Variants in CACNA1B observed in about 807,000 individuals in gnomAD.
The protein encoded by CACNA1B is calcium voltage-gated channel subunit alpha1 B, also known as voltage-dependent N-type calcium channel subunit alpha-1B.
In CACNA1B, 70 loss-of-function variants were observed where a neutral mutation model predicts 247.2. The ratio of observed to expected loss-of-function variants is 0.28; its 90% confidence interval spans 0.23 to 0.35. CACNA1B has a LOEUF of 0.35. CACNA1B is among the 10% of genes least tolerant of loss of function. The probability of loss-of-function intolerance (pLI) is 1.00; values close to 1 mark genes in which losing one functional copy is unlikely to be tolerated. For missense variants in CACNA1B, 2,367 were observed against 3,197.4 expected, an observed-to-expected ratio of 0.74 and a Z score of 6.26; for synonymous variants, 1,231 against 1,294.4, an observed-to-expected ratio of 0.95 and a Z score of 1.05.
At position 137,891,791 on chromosome 9, in the gene CACNA1B, C is replaced by T. The variant is rs1316222369; in HGVS notation, c.530+8908C>T. Reference sequence around the variant, plus strand: ...CACCCTGCGTGCCTGTGTGCAGCCCCACACGTGCTGAAGCATCTCTACTCC... The same window carrying T: ...CACCCTGCGTGCCTGTGTGCAGCCCTACACGTGCTGAAGCATCTCTACTCC... On this transcript the variant is annotated intron_variant, in intron 3 of 46. Transcript: ENST00000371372. This position sits in a 1 kb window ranked among gnomAD's most constrained non-coding sequence, Gnocchi z 4.3. 1 of 349,526 alleles carries T rather than the reference C, an allele frequency of 2.9e-6. No homozygotes were observed. Among genetic ancestry groups the T allele is most frequent in the Non-Finnish European group, 5.7e-6 (1 of 176,208 alleles). The allele number at this position is 349,526 out of a possible 1,614,324, so 21.7% of individuals were successfully genotyped here. A position where few individuals can be genotyped will look rare whatever the true frequency, so the allele number is the denominator to read the frequency against.
intron 15 of CACNA1B, among the ~76,000 whole-genome samples, chr9:137,999,243 AAAAT>A (rs1301834565): frequency 3.0e-5 from 4 of 133,594 alleles, no homozygotes; most frequent in East Asian, 3.3e-4. Context: ...AAAAAAATAA[AAAAT>A]AAAAAATGAA....
At chr9:137,908,894 G>T (rs1957328429) in intron 3 of CACNA1B, among the ~76,000 whole-genome samples, 1 of 151,936 alleles carries the variant, frequency 6.6e-6, no homozygotes, top group South Asian at 2.1e-4. Flanking sequence ...GCCTCCCAAA[G>T]TGCTGGGATT....
At chr9:137,960,094 G>A (rs1255826727) in intron 10 of CACNA1B, among the ~76,000 whole-genome samples, 1 of 148,814 alleles carries the variant, frequency 6.7e-6, no homozygotes, top group Non-Finnish European at 1.5e-5. Context: ...GAAGCCAGGG[G>A]AGGGGAGGTC....
At position 138,022,999 on chromosome 9, in the gene CACNA1B, G is replaced by T. The variant is rs747248069; in HGVS notation, c.2268-12G>T. The T allele has an allele frequency of 2.0e-6, 3 of 1,486,048 alleles. No individual in the cohort carries two copies. Among genetic ancestry groups the T allele is most frequent in the Non-Finnish European group, 2.7e-6 (3 of 1,125,642 alleles). 92.1% of individuals were successfully genotyped at this position (1,486,048 alleles called of 1,614,324 possible). A position where few individuals can be genotyped will look rare whatever the true frequency, so the allele number is the denominator to read the frequency against. On this transcript the variant is annotated splice_polypyrimidine_tract_variant and intron_variant, in intron 18 of 46. Transcript: ENST00000371372. ...GCAGACGGGGCCGCGCTCACCGCCA[G>T]TCTCCCCGCAGCAGGCAGCAGAACT... is the stretch of plus-strand genomic sequence containing the variant.
intron 31 of CACNA1B, among the ~76,000 whole-genome samples, chr9:138,065,684 TG>T (rs1959890079): frequency 6.6e-6 from 1 of 152,168 alleles, no homozygotes; most frequent in Non-Finnish European, 1.5e-5. Context: ...AGACCACATT[TG>T]GGTTATGCTT....
intron 39 of CACNA1B, 39 bp from the exon 40 acceptor site, chr9:138,112,357 ATC>A (rs749763772): frequency 1.8e-5 from 26 of 1,475,634 alleles, no homozygotes; most frequent in Middle Eastern, 1.7e-4. Flanking sequence ...TGCTCCTAAC[ATC>A]TCTGTCTTTT....
rs57138546 is a variant in CACNA1B, at chr9:138,087,713, C to CAAAAAAAA, written c.5095-8752_5095-8745dup. ...CTGGTGACAGAGTGAGACTCCGTCTCAAAAAAAAAAAAAAAAAAAAAAAAA... is the reference window on the plus strand; with the variant it reads ...CTGGTGACAGAGTGAGACTCCGTCTCAAAAAAAAAAAAAAAAAAAAAAAAAAAAAAAAA... On this transcript the variant is annotated intron_variant, in intron 36 of 46. Transcript: ENST00000371372. Among the ~76,000 whole-genome samples the CAAAAAAAA allele has an allele frequency of 8.5e-5, 3 of 35,458 alleles. No individual in the cohort carries two copies. The East Asian group carries it at 2.2e-3, about 26-fold the overall frequency. 23.3% of individuals were successfully genotyped at this position (35,458 alleles called of 152,430 possible). A position where few individuals can be genotyped will look rare whatever the true frequency, so the allele number is the denominator to read the frequency against.
Position 138,010,985 on chromosome 9 carries a change from G to C in CACNA1B, c.2160+908G>C, listed in dbSNP as rs1014788258. ...TCCCCCCAGCCGAGCTCTCCAGGAG[G>C]GGGGTGTGGTCCATGCGGTGTGCCA... On this transcript the variant is annotated intron_variant, in intron 17 of 46. Transcript: ENST00000371372. The surrounding 1 kb of genome is among the most constrained non-coding windows in gnomAD (Gnocchi z 5.3). 2.0e-5 allele frequency among the ~76,000 whole-genome samples: 3 copies of C among 152,202 alleles called. No homozygotes were observed. Among genetic ancestry groups the C allele is most frequent in the Non-Finnish European group, 2.9e-5 (2 of 68,028 alleles).
At chr9:138,009,943 G>T in intron 16 of CACNA1B, 67 bp from the exon 17 acceptor site, 2 of 1,276,570 alleles carry the variant, frequency 1.6e-6, no homozygotes, top group Non-Finnish European at 2.3e-6. Flanking sequence ...TGGGGAGATG[G>T]GGGAAGCTGC....
rs1230443072 is a variant in CACNA1B, at chr9:137,957,600, C to A, written c.1246C>A (p.Leu416Met). Residue 416 changes from leucine to methionine, a missense_variant and splice_region_variant, in exon 10 of 47, where the codon CTG becomes ATG. Around this residue, in one of 12 missense-constraint regions of CACNA1B, gnomAD observed 219 missense variants for 297.6 expected, o/e 0.74. Transcript: ENST00000371372. The surrounding 1 kb of genome is among the most constrained non-coding windows in gnomAD (Gnocchi z 4.7). ...NAEEKSPLDV[L>M]KRAATKKSRN... is the part of the protein sequence containing the mutation. ...CTCCCATCCTTTGTTTAAAGCAGTG[C>A]TGAAGAGAGCGGCCACCAAGAAGAG... is the stretch of plus-strand genomic sequence containing the variant. The A allele has an allele frequency of 2.5e-6, 4 of 1,588,420 alleles. No homozygotes were observed. Among genetic ancestry groups the A allele is most frequent in the Non-Finnish European group, 2.6e-6 (3 of 1,167,734 alleles).
chr9:137,906,960 G>A (rs988762810), intron 3 of CACNA1B, among the ~76,000 whole-genome samples: 3 of 152,218 alleles, frequency 2.0e-5, no homozygotes, highest in Non-Finnish European at 4.4e-5. Context: ...AGATGTGGTT[G>A]AAGTCTTCTG....
At chr9:137,940,849 C>T (rs539446254) in intron 6 of CACNA1B, among the ~76,000 whole-genome samples, 11 of 152,174 alleles carry the variant, frequency 7.2e-5, no homozygotes, top group East Asian at 1.9e-4. Flanking sequence ...AAAGAACCTT[C>T]GACAAAATTC....
chr9:137,989,355 C>G (rs1958404943), intron 15 of CACNA1B, among the ~76,000 whole-genome samples: 1 of 152,226 alleles, frequency 6.6e-6, no homozygotes, highest in Non-Finnish European at 1.5e-5. Context: ...GCTGAGCCAG[C>G]TGGGCATGGA....
chr9:137,941,946 A>G (rs577178802), intron 6 of CACNA1B, among the ~76,000 whole-genome samples: 1 of 152,376 alleles, frequency 6.6e-6, no homozygotes, highest in African/African-American at 2.4e-5. Context: ...AGAACCCAAA[A>G]GAAAATGCAA....
rs377268455 is a variant in CACNA1B at position 137,973,424 on chromosome 9, G to A, written c.1543+1832G>A. 6.6e-6 allele frequency among the ~76,000 whole-genome samples: 1 copy of A among 152,134 alleles called. No individual in the cohort carries two copies. Among genetic ancestry groups the A allele is most frequent in the Non-Finnish European group, 1.5e-5 (1 of 68,026 alleles). On this transcript the variant is annotated intron_variant, in intron 11 of 46. Transcript: ENST00000371372. This position sits in a 1 kb window ranked among gnomAD's most constrained non-coding sequence, Gnocchi z 4.1. ...GCTCATCGTGGGTTCTGTGCACCTC[G>A]GCTGTCCATTCTCCAAGGACCTGCC...
intron 36 of CACNA1B, among the ~76,000 whole-genome samples, chr9:138,079,633 C>T (rs1413968188): frequency 2.6e-5 from 4 of 151,358 alleles, no homozygotes; most frequent in Non-Finnish European, 5.9e-5. Flanking sequence ...ATCCCAGCCA[C>T]CTGGGGAGCT....
chr9:137,995,924 C>T (rs1375578581), intron 15 of CACNA1B, among the ~76,000 whole-genome samples: 1 of 152,232 alleles, frequency 6.6e-6, no homozygotes, highest in Admixed American at 6.5e-5. Context: ...TGCTTAACAT[C>T]ACTGTCAGGG....
intron 6 of CACNA1B, among the ~76,000 whole-genome samples, chr9:137,949,665 A>T (rs2133334238): frequency 6.6e-6 from 1 of 152,168 alleles, no homozygotes; most frequent in Non-Finnish European, 1.5e-5. Context: ...CTGATGATGC[A>T]GTTCCCGATG....
rs1378325562 is a variant in CACNA1B, at chr9:137,974,352, G to C, written c.1544-1555G>C. ...TTCTCCAGGGACACTGCTTGGCCTT[G>C]TTATCATCCCATGCTTAGCTTGAGT... is the stretch of plus-strand genomic sequence containing the variant. On this transcript the variant is annotated intron_variant, in intron 11 of 46. Transcript: ENST00000371372. The surrounding 1 kb of genome is among the most constrained non-coding windows in gnomAD (Gnocchi z 4.5). Among the ~76,000 whole-genome samples the C allele has an allele frequency of 6.6e-6, 1 of 152,190 alleles. No individual in the cohort carries two copies. Among genetic ancestry groups the C allele is most frequent in the Non-Finnish European group, 1.5e-5 (1 of 68,032 alleles).
Sources: gnomAD v4.1 joint callset for allele counts (sites outside exome capture counted in the v4.1 genomes callset) on GRCh38, gnomAD v4.1.1 for gene constraint, gnomAD v4.1.1 regional missense constraint, Gnocchi (gnomAD v3.1) non-coding constraint, MANE v1.5 for transcripts, NCBI Gene and HGNC (gene_info 2026-07-23, HGNC 2026-07-21) for gene names.